The following ZBTB7A variants were observed in gnomAD, a reference collection of about 807,000 sequenced individuals.
ZBTB7A encodes zinc finger and BTB domain-containing protein 7A.
Under a neutral mutation model 26.7 loss-of-function variants are expected in ZBTB7A, and 7 were observed. That is an observed-to-expected ratio of 0.26 (90% CI 0.15 to 0.49). The LOEUF is 0.49. Ranked by LOEUF, ZBTB7A falls within the 20% of genes least tolerant of loss-of-function variation. The pLI, the probability that ZBTB7A is intolerant of heterozygous loss-of-function variation, is 0.98. For synonymous variants in ZBTB7A, 452 were observed against 441.0 expected (o/e 1.02, Z -0.31); for missense variants, 617 against 919.5 (o/e 0.67, Z 4.25).
At chr19:4,055,493 G>C (rs995639291) in intron 1 of ZBTB7A, 1 of 985,074 alleles carries the variant, frequency 1.0e-6, no homozygotes, top group African/African-American at 1.7e-5. Context: ...TTAATACAGA[G>C]ACAGGCTATC....
At chr19:4,058,822 C>T (rs1599260065) in intron 1 of ZBTB7A, among the ~76,000 whole-genome samples, 1 of 152,234 alleles carries the variant, frequency 6.6e-6, no homozygotes, top group Non-Finnish European at 1.5e-5. Flanking sequence ...CCAGGCGACA[C>T]AGAGGCCTTT....
At chr19:4,053,018 C>CA (rs758704470) in intron 2 of ZBTB7A, among the ~76,000 whole-genome samples, 2 of 152,238 alleles carry the variant, frequency 1.3e-5, no homozygotes, top group Non-Finnish European at 2.9e-5. Flanking sequence ...GACCCAGGCT[C>CA]ACGGGAAACT....
At chr19:4,063,823 C>G (rs771376294) in intron 1 of ZBTB7A, among the ~76,000 whole-genome samples, 2 of 151,708 alleles carry the variant, frequency 1.3e-5, no homozygotes, top group South Asian at 2.1e-4. Context: ...CTTCCCCCTA[C>G]GCTTCAGTCT....
At position 4,054,813 on chromosome 19, in the gene ZBTB7A, G is replaced by GGCGTCGGCGCCC; in HGVS notation, c.408_419dup (p.Ala138_Gly141dup). 6.3e-7 allele frequency: 1 copy of GGCGTCGGCGCCC among 1,596,152 alleles called. No individual in the cohort carries two copies. Among genetic ancestry groups the GGCGTCGGCGCCC allele is most frequent in the Non-Finnish European group, 8.5e-7 (1 of 1,171,230 alleles). ...TTTGATCTACAAGGTCCAGCTGCCC[G>GGCGTCGGCGCCC]GCGTCGGCGCCCGCGTCGGCCGCCA... On this transcript the variant is annotated inframe_insertion, in exon 2 of 3. Coordinates refer to ENST00000322357, the MANE Select transcript of ZBTB7A (RefSeq NM_015898.4).
intron 2 of ZBTB7A, among the ~76,000 whole-genome samples, chr19:4,053,492 TGCGTGC>T (rs1568232681): frequency 1.0e-3 from 114 of 112,904 alleles, no homozygotes; most frequent in African/African-American, 4.6e-3. Flanking sequence ...TGCATCTGTG[TGCGTGC>T]CTGGGTGTGC....
chr19:4,059,022 G>A (rs935689041), intron 1 of ZBTB7A, among the ~76,000 whole-genome samples: 3 of 152,316 alleles, frequency 2.0e-5, no homozygotes, highest in Admixed American at 6.5e-5. Flanking sequence ...CCCAAGGCTC[G>A]GCCCTGGGAA....
Position 4,059,058 on chromosome 19 carries a change from T to C in ZBTB7A, c.-15-3811A>G, listed in dbSNP as rs949958380. Among the ~76,000 whole-genome samples, 13 of 152,128 alleles carry C rather than the reference T, an allele frequency of 8.5e-5. No individual in the cohort carries two copies. The South Asian group carries it at 2.5e-3, about 29-fold the overall frequency. ...GCCTCCGAGGAGTCCCCTTTGGTGG[T>C]GTCCACCCCCTGCCACCATCTGCCG... is the stretch of plus-strand genomic sequence containing the variant. On this transcript the variant is annotated intron_variant, in intron 1 of 2. Coordinates refer to ENST00000322357, the MANE Select transcript of ZBTB7A (RefSeq NM_015898.4).
Position 4,054,832 on chromosome 19 carries a change from G to A in ZBTB7A, c.401C>T (p.Ala134Val), listed in dbSNP as rs1404112192. ...CTGCCCGGCGTCGGCGCCCGCGTCG[G>A]CCGCCAGGATCTGCCGGTCCAGGAG... ...ADLLDRQILA[A>V]DAGADAGQLD... The change falls in exon 2 of 3, where the codon GCC becomes GTC. Residue 134 changes from alanine to valine, a missense_variant. Physicochemically the swap from Ala to Val is moderately conservative, Grantham distance 64. Transcript: ENST00000322357. 2 of 1,603,720 alleles carry A rather than the reference G, an allele frequency of 1.2e-6. No individual in the cohort carries two copies. Among genetic ancestry groups the A allele is most frequent in the African/African-American group, 2.7e-5 (2 of 74,680 alleles).
rs1211817328 is a variant in ZBTB7A, at chr19:4,052,125, TTC to T, written c.1262+1844_1262+1845del. On this transcript the variant is annotated intron_variant, in intron 2 of 2. Coordinates refer to ENST00000322357, the MANE Select transcript of ZBTB7A (RefSeq NM_015898.4). The surrounding 1 kb of genome is among the most constrained non-coding windows in gnomAD (Gnocchi z 4.9). ...CAATTGTCCCTCTCTAAGCCTCAGT[TTC>T]TCTGACTGAGGGGATCAGCCCCGGG... 6.6e-6 allele frequency among the ~76,000 whole-genome samples: 1 copy of T among 152,078 alleles called. No homozygotes were observed. The highest frequency in any genetic ancestry group is 2.1e-4 in the South Asian group (1 of 4,826).
chr19:4,064,802 G>A (rs980649755), intron 1 of ZBTB7A, among the ~76,000 whole-genome samples: 2 of 152,158 alleles, frequency 1.3e-5, no homozygotes, highest in Non-Finnish European at 2.9e-5. Context: ...CCGCCTGACT[G>A]GGGGGAGAGG....
chr19:4,043,403 A>C lies in ZBTB7A; in HGVS notation c.*4349T>G, dbSNP rs1434164447. Among the ~76,000 whole-genome samples, 1 of 139,262 alleles carries C rather than the reference A, an allele frequency of 7.2e-6. No individual in the cohort carries two copies. Among genetic ancestry groups the C allele is most frequent in the Non-Finnish European group, 1.6e-5 (1 of 63,960 alleles). The allele number at this position is 139,262 out of a possible 152,430, so 91.4% of individuals were successfully genotyped here. The stretch of plus-strand genomic sequence containing the variant: ...TCTTTTGTGTTTTTGTTTGTTTTTT[A>C]TTACTTTTAAAGCTTCTCCCTCCCC... On this transcript the variant is annotated 3_prime_UTR_variant, in exon 3 of 3. Transcript: ENST00000322357.
rs948646031 is a variant in ZBTB7A, at chr19:4,052,163, T to A, written c.1262+1808A>T. Among the ~76,000 whole-genome samples the A allele has an allele frequency of 6.6e-6, 1 of 151,938 alleles. No individual in the cohort carries two copies. Among genetic ancestry groups the A allele is most frequent in the Non-Finnish European group, 1.5e-5 (1 of 67,974 alleles). Reference sequence around the variant, plus strand: ...GGGATCAGCCCCGGGTCGGGTGGGATAGCCAGCAGTGCCCGAGTCAGAATG... The same window carrying A: ...GGGATCAGCCCCGGGTCGGGTGGGAAAGCCAGCAGTGCCCGAGTCAGAATG... On this transcript the variant is annotated intron_variant, in intron 2 of 2. Transcript: ENST00000322357. The surrounding 1 kb of genome is among the most constrained non-coding windows in gnomAD (Gnocchi z 4.9).
chr19:4,049,465 G>A (rs765655205), intron 2 of ZBTB7A, among the ~76,000 whole-genome samples: 26 of 151,702 alleles, frequency 1.7e-4, no homozygotes, highest in Admixed American at 7.9e-4. Flanking sequence ...TTTGCCGAGC[G>A]CCCGCTGAGG....
In ZBTB7A at chr19:4,047,896, G is replaced by T. The variant is rs774464131; in HGVS notation, c.1611C>A (p.His537Gln). The change falls in exon 3 of 3, where the codon CAC becomes CAA. Residue 537 changes from histidine (H) to glutamine (Q), a missense_variant. By Grantham distance (24) the His-to-Gln change is conservative. Transcript: ENST00000322357. The stretch of plus-strand genomic sequence containing the variant: ...CCTCGTCCTCGTCCTCGTCCTTAAA[G>T]TGCTTCTCCTGGCCGTTGCGCCGGG... ...PDARRNGQEKHFKDEDEDEDV... is the reference protein window; with the variant it reads ...PDARRNGQEKQFKDEDEDEDV... 6.3e-6 allele frequency: 10 copies of T among 1,579,950 alleles called. No homozygotes were observed. Among genetic ancestry groups the T allele is most frequent in the Admixed American group, 1.8e-5 (1 of 55,888 alleles).
intron 1 of ZBTB7A, chr19:4,062,614 C>T (rs2040650977): frequency 6.6e-6 from 1 of 152,330 alleles, no homozygotes; most frequent in African/African-American, 2.4e-5. Context: ...CATCCCCTTT[C>T]CTGGCCCCCG....
In ZBTB7A at chr19:4,052,818, AG is replaced by A. The variant is rs1033243256; in HGVS notation, c.1262+1152del. 6.6e-6 allele frequency among the ~76,000 whole-genome samples: 1 copy of A among 152,188 alleles called. No individual in the cohort carries two copies. Among genetic ancestry groups the A allele is most frequent in the South Asian group, 2.1e-4 (1 of 4,830 alleles). On this transcript the variant is annotated intron_variant, in intron 2 of 2. Transcript: ENST00000322357. The surrounding 1 kb of genome is among the most constrained non-coding windows in gnomAD (Gnocchi z 4.9). ...TTAGGGACCAAGTCCTGTGGCTCCC[AG>A]GGGGGCACAGTGATCTCTCAAGCTG...
chr19:4,058,601 C>T (rs931764324), intron 1 of ZBTB7A, among the ~76,000 whole-genome samples: 3 of 152,198 alleles, frequency 2.0e-5, no homozygotes, highest in South Asian at 2.1e-4. Context: ...CGGTGGCTCT[C>T]GGGCCAGAGC....
intron 1 of ZBTB7A, among the ~76,000 whole-genome samples, chr19:4,060,890 G>A (rs2145005029): frequency 6.6e-6 from 1 of 152,302 alleles, no homozygotes; most frequent in African/African-American, 2.4e-5. Context: ...CTCTGCCCAG[G>A]GAGAGCAGGG....
rs1297305148 is a variant in ZBTB7A at position 4,043,993 on chromosome 19, T to G, written c.*3759A>C. Among the ~76,000 whole-genome samples, 1 of 152,168 alleles carries G rather than the reference T, an allele frequency of 6.6e-6. No individual in the cohort carries two copies. Among genetic ancestry groups the G allele is most frequent in the East Asian group, 1.9e-4 (1 of 5,196 alleles). ...TATTTTTTTTTCTTCTGTTTTTCCT[T>G]TCATTCTCTCTGTCTTGCCTCCAAC... On this transcript the variant is annotated 3_prime_UTR_variant, in exon 3 of 3. Transcript: ENST00000322357.
Sources: allele counts gnomAD v4.1 joint callset (sites outside exome capture counted in the v4.1 genomes callset), GRCh38; gene constraint gnomAD v4.1.1; non-coding constraint Gnocchi (gnomAD v3.1); transcripts MANE v1.5; gene names NCBI Gene and HGNC (gene_info 2026-07-23, HGNC 2026-07-21).